The following CYP3A7 variants were observed in gnomAD, a reference collection of about 807,000 sequenced individuals.
CYP3A7 encodes the protein cytochrome P450 family 3 subfamily A member 7, also known as cytochrome P450 3A7.
In CYP3A7, 45 loss-of-function variants were observed where a neutral mutation model predicts 55.2. The observed-to-expected ratio is 0.82, with a 90% CI of 0.64 to 1.05. CYP3A7 has a LOEUF of 1.05. Ranked by LOEUF, CYP3A7 falls within the 50% of genes least tolerant of loss-of-function variation. The probability of loss-of-function intolerance (pLI) is 0.00; values close to 1 mark genes in which losing one functional copy is unlikely to be tolerated. For synonymous variants in CYP3A7, 180 were observed against 207.4 expected, an observed-to-expected ratio of 0.87 and a Z score of 1.13; for missense variants, 548 against 605.3, an observed-to-expected ratio of 0.91 and a Z score of 0.99.
At chr7:99,729,033 T>C (rs1249952619) in intron 2 of CYP3A7, among the ~76,000 whole-genome samples, 1 of 152,106 alleles carries the variant, frequency 6.6e-6, no homozygotes, top group Non-Finnish European at 1.5e-5. Context: ...TGGCCTGGTA[T>C]ATGACAATAT....
chr7:99,721,515 A>G (rs2151520435), intron 3 of CYP3A7, among the ~76,000 whole-genome samples: 1 of 152,304 alleles, frequency 6.6e-6, no homozygotes, highest in Admixed American at 6.5e-5. Context: ...AAGGGCATCA[A>G]GGGAAGAAAA....
rs1813992692 is a variant in CYP3A7, at chr7:99,717,233, C to T, written c.465G>A (p.Val155=). The change falls in exon 6 of 13, where the codon GTG becomes GTA. Residue 155 remains valine (V), a synonymous_variant. Coordinates refer to ENST00000336374, the MANE Select transcript of CYP3A7 (RefSeq NM_000765.5). ...CTTCCCGCCTCAGATTTCTCACCAA[C>T]ACATCTCCATACTGGGCAATGATAG... The part of the protein sequence containing the change: ...MVPIIAQYGD[V]LVRNLRREAE... 3.7e-6 allele frequency: 6 copies of T among 1,613,836 alleles called. No homozygotes were observed. The highest frequency in any genetic ancestry group is 5.1e-6 in the Non-Finnish European group (6 of 1,179,866).
At chr7:99,721,743 G>A (rs777583968) in intron 3 of CYP3A7, among the ~76,000 whole-genome samples, 7 of 99,658 alleles carry the variant, frequency 7.0e-5, no homozygotes, top group Non-Finnish European at 1.2e-4. Context: ...ATTATGACAC[G>A]TGTGTGTGTG....
At position 99,710,827 on chromosome 7, in the gene CYP3A7, T is replaced by C. The variant is rs1397163272; in HGVS notation, c.931A>G (p.Ser311Gly). The C allele has an allele frequency of 1.2e-5, 19 of 1,613,732 alleles. No homozygotes were observed. The highest frequency in any genetic ancestry group is 1.7e-5 in the Admixed American group (1 of 59,956). Residue 311 changes from serine to glycine, a missense_variant, in exon 10 of 13, where the codon AGC (serine) becomes GGC (glycine). Coordinates refer to ENST00000336374, the MANE Select transcript of CYP3A7 (RefSeq NM_000765.5). ...IFIFAGYETTSSVLSFIIYEL... is the reference protein window; with the variant it reads ...IFIFAGYETTGSVLSFIIYEL... ...TATATAATGAAGGAGAGAACACTGC[T>C]CGTGGTTTCATAGCCAGCAAAAATA...
intron 1 of CYP3A7, among the ~76,000 whole-genome samples, chr7:99,732,583 T>C (rs1814669984): frequency 6.6e-6 from 1 of 152,132 alleles, no homozygotes; most frequent in Non-Finnish European, 1.5e-5. Flanking sequence ...TGTATGGACT[T>C]CCCCAACTGG....
At position 99,723,174 on chromosome 7, in the gene CYP3A7, C is replaced by T. The variant is rs1814270583; in HGVS notation, c.166-826G>A. Reference sequence around the variant, plus strand: ...TTTCAGGCCTCTTAGCCCAAGCCTGCATGGGTACATCCAGATGGCCTGAGG... The same window carrying T: ...TTTCAGGCCTCTTAGCCCAAGCCTGTATGGGTACATCCAGATGGCCTGAGG... On this transcript the variant is annotated intron_variant, in intron 2 of 12. Coordinates refer to ENST00000336374, the MANE Select transcript of CYP3A7 (RefSeq NM_000765.5). Among the ~76,000 whole-genome samples the T allele has an allele frequency of 2.6e-5, 4 of 152,148 alleles. No homozygotes were observed. The South Asian group carries it at 8.3e-4, about 32-fold the overall frequency.
intron 2 of CYP3A7, among the ~76,000 whole-genome samples, chr7:99,729,911 C>T (rs1326432125): frequency 1.3e-5 from 2 of 152,182 alleles, no homozygotes; most frequent in Non-Finnish European, 2.9e-5. Context: ...GTTTGGTGGT[C>T]TCCTCACACG....
In CYP3A7 at chr7:99,707,954, T is replaced by C. The variant is rs1363676744; in HGVS notation, c.1274A>G (p.Asp425Gly). ...LPERFSKKNK[D>G]NIDPYIYTPF... Reference sequence around the variant, plus strand: ...TGTGTATATGTAAGGATCTATGTTGTCCTTGTTCTTTTTACTGAACCTGGT... The same window carrying C: ...TGTGTATATGTAAGGATCTATGTTGCCCTTGTTCTTTTTACTGAACCTGGT... Residue 425 changes from aspartate (D) to glycine (G), a missense_variant, in exon 12 of 13, where the codon GAC becomes GGC. Physicochemically the swap from Asp to Gly is moderately conservative, Grantham distance 94. Coordinates refer to ENST00000336374, the MANE Select transcript of CYP3A7 (RefSeq NM_000765.5). The C allele has an allele frequency of 6.2e-7, 1 of 1,613,926 alleles. No individual in the cohort carries two copies. Among genetic ancestry groups the C allele is most frequent in the East Asian group, 2.2e-5 (1 of 44,856 alleles).
At chr7:99,710,701 C>A (rs370772742) in intron 10 of CYP3A7, 31 bp downstream of exon 10, 1 of 1,613,560 alleles carries the variant, frequency 6.2e-7, no homozygotes, top group African/African-American at 1.3e-5. Flanking sequence ...GCTTCACCTC[C>A]TCCCTCCTTC....
rs147214093 is a variant in CYP3A7 at position 99,735,059 on chromosome 7, C to A, written c.35G>T (p.Trp12Leu). Residue 12 changes from tryptophan (W) to leucine (L), a missense_variant, in exon 1 of 13, where the codon TGG becomes TTG. By Grantham distance (61) the Trp-to-Leu change is moderately conservative. Coordinates refer to ENST00000336374, the MANE Select transcript of CYP3A7 (RefSeq NM_000765.5). ...TATCAGGCTGACAGCCAGGAGAAGC[C>A]AGGTTTCCACGGCCAAGTTTGGGAT... ...DLIPNLAVETWLLLAVSLILL... is the reference protein window; with the variant it reads ...DLIPNLAVETLLLLAVSLILL... The A allele has an allele frequency of 5.8e-5, 93 of 1,614,104 alleles. 1 individual carries two copies. In the African/African-American group the frequency reaches 1.1e-3, roughly 19 times the overall value.
rs1814407412 is a variant in CYP3A7, at chr7:99,726,251, G to A, written c.166-3903C>T. Among the ~76,000 whole-genome samples the A allele has an allele frequency of 1.3e-5, 2 of 151,936 alleles. 1 individual carries two copies. The highest frequency in any genetic ancestry group is 4.8e-5 in the African/African-American group (2 of 41,370). On this transcript the variant is annotated intron_variant, in intron 2 of 12. Coordinates refer to ENST00000336374, the MANE Select transcript of CYP3A7 (RefSeq NM_000765.5). The stretch of plus-strand genomic sequence containing the variant: ...CCTAATCACCCTTACCCAGCTTAAC[G>A]CCAGTATCCCATCCCACAAGAGGCT...
intron 10 of CYP3A7, among the ~76,000 whole-genome samples, chr7:99,709,622 G>A (rs1377415683): frequency 6.6e-6 from 1 of 152,106 alleles, no homozygotes; most frequent in East Asian, 1.9e-4. Flanking sequence ...ATTCAAAAAA[G>A]AGGTTACACG....
chr7:99,720,185 G>T, intron 4 of CYP3A7, 128 bp downstream of exon 4: 1 of 1,123,510 alleles, frequency 8.9e-7, no homozygotes, highest in Non-Finnish European at 1.3e-6. Context: ...ATGGGGGATG[G>T]GCAGGATGAA....
chr7:99,717,490 T>G (rs547919768), intron 5 of CYP3A7, 36 bp downstream of exon 5: 1 of 1,611,666 alleles, frequency 6.2e-7, no homozygotes, highest in East Asian at 2.2e-5. Flanking sequence ...GATTCATTCT[T>G]TAAGTTTCTA....
chr7:99,717,779 C>T, intron 4 of CYP3A7, 140 bp from the exon 5 acceptor site: 1 of 1,118,948 alleles, frequency 8.9e-7, no homozygotes. Flanking sequence ...ATGACAGATG[C>T]TCAATAGGAT....
chr7:99,717,135 G>T (rs1428764969), intron 6 of CYP3A7, 42 bp downstream of exon 6: 1 of 1,612,634 alleles, frequency 6.2e-7, no homozygotes, highest in African/African-American at 1.3e-5. Flanking sequence ...AGCTGGAGGG[G>T]CTCATGACAG....
At position 99,709,059 on chromosome 7, in the gene CYP3A7, T is replaced by C; in HGVS notation, c.1229A>G (p.Glu410Gly). ...VLHHDPKYWT[E>G]PEKFLPERFS... ...CCTTTCAGGGAGGAACTTCTCAGGC[T>C]CTGTCCAGTACTTTGGGTCATGATG... is the stretch of plus-strand genomic sequence containing the variant. The change falls in exon 11 of 13, where the codon GAG (glutamate) becomes GGG (glycine). Residue 410 changes from glutamate to glycine, a missense_variant. Coordinates refer to ENST00000336374, the MANE Select transcript of CYP3A7 (RefSeq NM_000765.5). 6.2e-7 allele frequency: 1 copy of C among 1,613,992 alleles called. No homozygotes were observed. The highest frequency in any genetic ancestry group is 8.5e-7 in the Non-Finnish European group (1 of 1,179,920).
intron 10 of CYP3A7, among the ~76,000 whole-genome samples, chr7:99,709,896 A>G (rs1350972908): frequency 6.6e-6 from 1 of 152,174 alleles, no homozygotes; most frequent in Non-Finnish European, 1.5e-5. Flanking sequence ...AATTTGAGGA[A>G]AAACTAGTCC....
chr7:99,715,270 C>G (rs773204335), intron 7 of CYP3A7: 1 of 178,066 alleles, frequency 5.6e-6, no homozygotes, highest in Non-Finnish European at 1.2e-5. Context: ...AACAAGTGCC[C>G]AGAGGGAAAT....
Sources: allele counts gnomAD v4.1 joint callset (sites outside exome capture counted in the v4.1 genomes callset), GRCh38; gene constraint gnomAD v4.1.1; transcripts MANE v1.5; gene names NCBI Gene and HGNC (gene_info 2026-07-23, HGNC 2026-07-21).